USH2A: variants seen among roughly 807,000 people sequenced by gnomAD.
USH2A encodes Usher syndrome 2A (autosomal recessive, mild).
USH2A carries 443 observed loss-of-function variants against 538.9 expected under a neutral mutation model. The observed-to-expected ratio is 0.82, with a 90% CI of 0.76 to 0.89. The LOEUF (loss-of-function observed/expected upper bound fraction) is 0.89. USH2A is among the 40% of genes least tolerant of loss of function. The pLI is 0.00. For missense variants in USH2A, 6,633 were observed against 6,324.8 expected, an observed-to-expected ratio of 1.05 and a Z score of -1.65; for synonymous variants, 2,413 against 2,273.5, an observed-to-expected ratio of 1.06 and a Z score of -1.75.
chr1:215,662,055 AACT>A (rs1249272474), intron 64 of USH2A, among the ~76,000 whole-genome samples: 1 of 152,240 alleles, frequency 6.6e-6, no homozygotes, highest in Non-Finnish European at 1.5e-5. Context: ...CAATCCTAGT[AACT>A]AGGTATACAC....
chr1:215,773,522 C>T (rs998260389), intron 55 of USH2A, among the ~76,000 whole-genome samples: 3 of 150,734 alleles, frequency 2.0e-5, no homozygotes, highest in Non-Finnish European at 4.4e-5. Context: ...GTCTCTCTCT[C>T]TCTCTCTCTC....
intron 13 of USH2A, among the ~76,000 whole-genome samples, chr1:216,240,852 A>G (rs1313904955): frequency 6.6e-6 from 1 of 152,174 alleles, no homozygotes; most frequent in Non-Finnish European, 1.5e-5. Flanking sequence ...TCCCTAGTAT[A>G]GCAGCAAATG....
At chr1:215,663,532 C>A (rs1657509442) in intron 64 of USH2A, among the ~76,000 whole-genome samples, 1 of 152,130 alleles carries the variant, frequency 6.6e-6, no homozygotes, top group African/African-American at 2.4e-5. Context: ...GTGTAGCGTG[C>A]TAGGGCAGTT....
At chr1:215,753,401 G>A (rs1660683739) in intron 58 of USH2A, among the ~76,000 whole-genome samples, 1 of 152,096 alleles carries the variant, frequency 6.6e-6, no homozygotes, top group South Asian at 2.1e-4. Context: ...GCAAAGACTT[G>A]GAACCAACCC....
At position 215,965,497 on chromosome 1, in the gene USH2A, T is replaced by C. The variant is rs1369623392; in HGVS notation, c.6958-18A>G. The C allele has an allele frequency of 6.2e-7, 1 of 1,612,734 alleles. No homozygotes were observed. Among genetic ancestry groups the C allele is most frequent in the Non-Finnish European group, 8.5e-7 (1 of 1,179,250 alleles). On this transcript the variant is annotated intron_variant, in intron 36 of 71. Coordinates refer to ENST00000307340, the MANE Select transcript of USH2A (RefSeq NM_206933.4). ...TTTTCCACCTGTGAGTATAAAAAGA[T>C]TTATTTTTGTTTGCAAATAAAATAA...
In USH2A at chr1:216,291,591, A is replaced by G. The variant is rs369381001; in HGVS notation, c.1840+584T>C. Among the ~76,000 whole-genome samples the G allele has an allele frequency of 1.8e-3, 267 of 152,346 alleles. 1 individual carries two copies. The highest frequency in any genetic ancestry group is 5.9e-3 in the African/African-American group (247 of 41,578). ...TGAAACCCATCAGATATATGCTATTATATTTCACAAATTCAGATGTTGGCC... is the reference window on the plus strand; with the variant it reads ...TGAAACCCATCAGATATATGCTATTGTATTTCACAAATTCAGATGTTGGCC... On this transcript the variant is annotated intron_variant, in intron 10 of 71. Coordinates refer to ENST00000307340, the MANE Select transcript of USH2A (RefSeq NM_206933.4).
chr1:216,412,947 C>T (rs1004834589), intron 3 of USH2A, among the ~76,000 whole-genome samples: 4 of 151,984 alleles, frequency 2.6e-5, no homozygotes, highest in Non-Finnish European at 5.9e-5. Flanking sequence ...AAGCATGTCA[C>T]TATTTCATTG....
At chr1:216,112,264 A>T (rs951765199) in intron 21 of USH2A, among the ~76,000 whole-genome samples, 5 of 152,066 alleles carry the variant, frequency 3.3e-5, no homozygotes, top group African/African-American at 1.2e-4. Flanking sequence ...TGAAAATTAA[A>T]TTTTTTTCAG....
At chr1:215,802,270 T>A (rs545012974) in intron 49 of USH2A, among the ~76,000 whole-genome samples, 6 of 152,126 alleles carry the variant, frequency 3.9e-5, no homozygotes, top group Admixed American at 1.3e-4. Flanking sequence ...TGAATTGGAT[T>A]CATCATAATT....
intron 55 of USH2A, among the ~76,000 whole-genome samples, chr1:215,770,942 T>TAAA (rs59409812): frequency 2.7e-4 from 18 of 65,786 alleles, no homozygotes; most frequent in South Asian, 5.9e-4. Flanking sequence ...CCGTCTCTAC[T>TAAA]AAAAAAAAAA....
At chr1:216,175,540 C>A in intron 20 of USH2A, 58 bp from the exon 21 acceptor site, 5 of 1,431,272 alleles carry the variant, frequency 3.5e-6, no homozygotes, top group African/African-American at 1.4e-5. Flanking sequence ...TCTAGACACA[C>A]ATATTCACAT....
At chr1:216,370,390 C>T (rs535001107) in intron 3 of USH2A, among the ~76,000 whole-genome samples, 1 of 150,340 alleles carries the variant, frequency 6.7e-6, no homozygotes, top group Non-Finnish European at 1.5e-5. Context: ...AAAAGAATAG[C>T]TTGGTGCGGT....
intron 21 of USH2A, chr1:216,174,722 C>G: frequency 1.0e-6 from 1 of 992,456 alleles, no homozygotes; most frequent in Non-Finnish European, 1.2e-6. Context: ...CTTCATAGAA[C>G]ATGAGATATT....
chr1:216,389,708 C>A (rs2039067820), intron 3 of USH2A, among the ~76,000 whole-genome samples: 1 of 152,022 alleles, frequency 6.6e-6, no homozygotes, highest in Non-Finnish European at 1.5e-5. Flanking sequence ...ATAATTAGCC[C>A]ATTTTCTTCA....
rs1349211374 is a variant in USH2A, at chr1:216,022,570, T to G, written c.6326-22008A>C. Among the ~76,000 whole-genome samples the G allele has an allele frequency of 2.0e-5, 3 of 152,146 alleles. No homozygotes were observed. The East Asian group carries it at 5.8e-4, about 29-fold the overall frequency. On this transcript the variant is annotated intron_variant, in intron 32 of 71. Coordinates refer to ENST00000307340, the MANE Select transcript of USH2A (RefSeq NM_206933.4). ...AAAGAAGATCTGTTTTGTTAAACCTTTAAGATACCAAAATCTACTCAGTAT... is the reference window on the plus strand; with the variant it reads ...AAAGAAGATCTGTTTTGTTAAACCTGTAAGATACCAAAATCTACTCAGTAT...
At chr1:216,200,430 C>T (rs2034959298) in intron 16 of USH2A, among the ~76,000 whole-genome samples, 1 of 152,156 alleles carries the variant, frequency 6.6e-6, no homozygotes, top group African/African-American at 2.4e-5. Flanking sequence ...TTCTCCAAAA[C>T]AGAAAAGTAA....
At chr1:215,992,935 A>G in intron 35 of USH2A, 85 bp downstream of exon 35, 1 of 1,578,458 alleles carries the variant, frequency 6.3e-7, no homozygotes, top group Non-Finnish European at 8.7e-7. Context: ...TTAAAAATTA[A>G]GCACCACATA....
Position 216,089,023 on chromosome 1 carries a change from C to G in USH2A, c.4875G>C (p.Gly1625=). Residue 1625 remains glycine, a synonymous_variant, in exon 23 of 72, where the codon GGG becomes GGC. Coordinates refer to ENST00000307340, the MANE Select transcript of USH2A (RefSeq NM_206933.4). ...HQAFGQITLD[G]IYTGSSAILN... ...TCAAAAAGTACTTACCTGTATATAT[C>G]CCATCCAGAGTGATTTGGCCAAAAG... The G allele has an allele frequency of 5.6e-6, 9 of 1,613,334 alleles. No individual in the cohort carries two copies. Among genetic ancestry groups the G allele is most frequent in the Non-Finnish European group, 7.6e-6 (9 of 1,179,510 alleles).
chr1:216,407,690 G>A lies in USH2A; in HGVS notation c.651+10824C>T, dbSNP rs575443990. On this transcript the variant is annotated intron_variant, in intron 3 of 71. Coordinates refer to ENST00000307340, the MANE Select transcript of USH2A (RefSeq NM_206933.4). ...ACACTGTTCTTCCTGACGTTAGTGC[G>A]AATTGTTCATGTATAACTGAAGGCA... is the stretch of plus-strand genomic sequence containing the variant. Among the ~76,000 whole-genome samples, 19 of 152,156 alleles carry A rather than the reference G, an allele frequency of 1.2e-4. No homozygotes were observed. The South Asian group carries it at 2.9e-3, about 23-fold the overall frequency.
Sources: gnomAD v4.1 joint callset for allele counts (sites outside exome capture counted in the v4.1 genomes callset) on GRCh38, gnomAD v4.1.1 for gene constraint, MANE v1.5 for transcripts, NCBI Gene and HGNC (gene_info 2026-07-23, HGNC 2026-07-21) for gene names.